FAM221B: variants seen among roughly 807,000 people sequenced by gnomAD.
The protein encoded by FAM221B is family with sequence similarity 221 member B.
Under a neutral mutation model 39.8 loss-of-function variants are expected in FAM221B, and 35 were observed. The ratio of observed to expected loss-of-function variants is 0.88; its 90% CI spans 0.67 to 1.17. The LOEUF is 1.17. FAM221B is among the 50% of genes most tolerant of loss of function. FAM221B has a pLI of 0.00. For synonymous variants in FAM221B, 158 were observed against 178.1 expected (o/e 0.89, Z 0.90); for missense variants, 479 against 503.1 (o/e 0.95, Z 0.46).
intron 1 of FAM221B, 33 bp from the exon 2 acceptor site, chr9:35,826,194 G>C: frequency 1.3e-6 from 2 of 1,514,214 alleles, no homozygotes; most frequent in Non-Finnish European, 1.8e-6. Flanking sequence ...GCTTCATTAG[G>C]TTGGAAATAG....
At position 35,828,292 on chromosome 9, in the gene FAM221B, AAACAACAACAACAAC is replaced by A. The variant is rs372358720; in HGVS notation, c.-1+156_-1+170del. Reference sequence around the variant, plus strand: ...GGGGGACAGAGCGAGACTCTGTCTCAAACAACAACAACAACAACAACAACAACAACAACAACAACA... The same window carrying A: ...GGGGGACAGAGCGAGACTCTGTCTCAAACAACAACAACAACAACAACAACA... On this transcript the variant is annotated intron_variant, in intron 1 of 6. Coordinates refer to ENST00000423537, the MANE Select transcript of FAM221B (RefSeq NM_001012446.4). This position sits in a 1 kb window ranked among gnomAD's most constrained non-coding sequence, Gnocchi z 4.5. Among the ~76,000 whole-genome samples the A allele has an allele frequency of 7.9e-6, 1 of 126,508 alleles. No homozygotes were observed. Among genetic ancestry groups the A allele is most frequent in the East Asian group, 2.6e-4 (1 of 3,828 alleles). 83.0% of individuals were successfully genotyped at this position (126,508 alleles called of 152,430 possible).
At chr9:35,821,746 C>A in intron 3 of FAM221B, 6 of 517,604 alleles carry the variant, frequency 1.2e-5, no homozygotes, top group South Asian at 1.1e-4. Context: ...GCCCAGCATT[C>A]AGATGAAGAA....
intron 3 of FAM221B, chr9:35,821,627 G>C (rs756115048): frequency 7.3e-7 from 1 of 1,367,120 alleles, no homozygotes; most frequent in Non-Finnish European, 9.8e-7. Flanking sequence ...TCCGAATTCT[G>C]TCTGGAGTAG....
Position 35,825,601 on chromosome 9 carries a change from G to T in FAM221B, c.561C>A (p.Asp187Glu). Reference protein sequence around the residue: ...GEVEKGVDASDSTAHTAQPGH... With the variant: ...GEVEKGVDASESTAHTAQPGH... ...CAGGTTGGGCTGTGTGAGCAGTGCT[G>T]TCACTGGCATCTACTCCCTTTTCAA... Residue 187 changes from aspartate to glutamate, a missense_variant, in exon 2 of 7, where the codon GAC becomes GAA. Coordinates refer to ENST00000423537, the MANE Select transcript of FAM221B (RefSeq NM_001012446.4). The surrounding 1 kb of genome is among the most constrained non-coding windows in gnomAD (Gnocchi z 4.2). The T allele has an allele frequency of 6.2e-7, 1 of 1,613,796 alleles. No homozygotes were observed. Among genetic ancestry groups the T allele is most frequent in the Non-Finnish European group, 8.5e-7 (1 of 1,179,800 alleles).
chr9:35,827,851 G>C (rs888816240), intron 1 of FAM221B, among the ~76,000 whole-genome samples: 1 of 152,186 alleles, frequency 6.6e-6, no homozygotes, highest in East Asian at 1.9e-4. Flanking sequence ...GGAATTAGGG[G>C]CAGAGGTAGG....
Position 35,820,134 on chromosome 9 carries a change from C to A in FAM221B, c.743-134G>T, listed in dbSNP as rs80239029. ...CCACCCCCAGGTATCTTTATCTCCA[C>A]CTGGAAGTCCTCACCTCTACCCCTT... On this transcript the variant is annotated intron_variant, in intron 3 of 6. Transcript: ENST00000423537. The A allele has an allele frequency of 2.6e-5, 16 of 607,656 alleles. No individual in the cohort carries two copies. The Admixed American group carries it at 4.7e-4, about 18-fold the overall frequency. The allele number at this position is 607,656 out of a possible 1,614,324, so 37.6% of individuals were successfully genotyped here. A position where few individuals can be genotyped will look rare whatever the true frequency, so the allele number is the denominator to read the frequency against.
chr9:35,819,524 G>C (rs1465423913), intron 4 of FAM221B, 130 bp from the exon 5 acceptor site: 3 of 826,122 alleles, frequency 3.6e-6, no homozygotes, highest in Non-Finnish European at 1.8e-6. Flanking sequence ...ATGGAGTTTT[G>C]CTCTGTCGCC....
At chr9:35,818,530 G>T in intron 6 of FAM221B, 24 bp from the exon 7 acceptor site, 1 of 1,551,198 alleles carries the variant, frequency 6.4e-7, no homozygotes, top group African/African-American at 1.4e-5. Flanking sequence ...GAGCAGAGGT[G>T]AAAGGGTCAG....
chr9:35,818,429 G>C lies in FAM221B; in HGVS notation c.*40C>G. 6.5e-7 allele frequency: 1 copy of C among 1,547,866 alleles called. No individual in the cohort carries two copies. Among genetic ancestry groups the C allele is most frequent in the South Asian group, 1.2e-5 (1 of 83,994 alleles). ...CCTGCCCCATATAGAGCCAAGTCAG[G>C]TTCCAATGACTCCTCTTTTATTGCT... On this transcript the variant is annotated 3_prime_UTR_variant, in exon 7 of 7. Transcript: ENST00000423537.
chr9:35,824,668 T>C (rs1420191428), intron 3 of FAM221B, among the ~76,000 whole-genome samples: 1 of 151,544 alleles, frequency 6.6e-6, no homozygotes, highest in Non-Finnish European at 1.5e-5. Context: ...TGTTTTTTTT[T>C]GTTTTTTGTT....
At position 35,825,201 on chromosome 9, in the gene FAM221B, C is replaced by G. The variant is rs1255365591; in HGVS notation, c.742+29G>C. The G allele has an allele frequency of 6.2e-7, 1 of 1,613,420 alleles. No individual in the cohort carries two copies. On this transcript the variant is annotated intron_variant, in intron 3 of 6. Transcript: ENST00000423537. This position sits in a 1 kb window ranked among gnomAD's most constrained non-coding sequence, Gnocchi z 4.2. ...TTAGAGGATGCCCATGGGCCTGTCA[C>G]AGGCCTCTGAAAGGCCACATGGGCT...
chr9:35,819,780 C>T (rs1829105251), intron 4 of FAM221B, 110 bp downstream of exon 4: 13 of 832,242 alleles, frequency 1.6e-5, no homozygotes, highest in Non-Finnish European at 2.6e-5. Flanking sequence ...GCTGGGATTA[C>T]AGGGGTGAGC....
intron 1 of FAM221B, chr9:35,826,976 T>G (rs967286111): frequency 1.3e-5 from 2 of 152,212 alleles, no homozygotes; most frequent in African/African-American, 4.8e-5. Context: ...CCGGCTAAGT[T>G]TTATATTTTT....
intron 3 of FAM221B, among the ~76,000 whole-genome samples, chr9:35,822,693 C>T (rs1829177338): frequency 6.6e-6 from 1 of 152,150 alleles, no homozygotes; most frequent in African/African-American, 2.4e-5. Flanking sequence ...AGGTGGTAGC[C>T]GCTGCGCTCG....
intron 4 of FAM221B, 64 bp downstream of exon 4, chr9:35,819,826 C>T: frequency 7.5e-7 from 1 of 1,333,188 alleles, no homozygotes; most frequent in Non-Finnish European, 1.1e-6. Flanking sequence ...CTCATACTTC[C>T]CAAGACATGA....
chr9:35,825,544 T>TTTA lies in FAM221B; in HGVS notation c.598+19_598+20insTAA. ...GACAGGTACAATTACAGCTAACTCCTTTCTTCTTCTTCTTCTTGCCTAGTT... is the reference window on the plus strand; with the variant it reads ...GACAGGTACAATTACAGCTAACTCCTTTATTCTTCTTCTTCTTCTTGCCTAGTT... On this transcript the variant is annotated intron_variant, in intron 2 of 6. Transcript: ENST00000423537. This position sits in a 1 kb window ranked among gnomAD's most constrained non-coding sequence, Gnocchi z 4.2. 6.3e-7 allele frequency: 1 copy of TTTA among 1,592,778 alleles called. No homozygotes were observed. Among genetic ancestry groups the TTTA allele is most frequent in the Non-Finnish European group, 8.6e-7 (1 of 1,166,954 alleles).
rs367927621 is a variant in FAM221B, at chr9:35,827,917, G to T, written c.-1+546C>A. Among the ~76,000 whole-genome samples the T allele has an allele frequency of 3.9e-5, 6 of 152,156 alleles. No individual in the cohort carries two copies. The East Asian group carries it at 1.2e-3, about 29-fold the overall frequency. ...TAGAGAGAAAAGGGGCCTAAGAGTG[G>T]AGAACCAGAAGATGGGAGGTGAGGA... On this transcript the variant is annotated intron_variant, in intron 1 of 6. Coordinates refer to ENST00000423537, the MANE Select transcript of FAM221B (RefSeq NM_001012446.4).
intron 3 of FAM221B, among the ~76,000 whole-genome samples, chr9:35,823,175 A>C (rs1249555215): frequency 6.6e-6 from 1 of 152,238 alleles, no homozygotes; most frequent in Non-Finnish European, 1.5e-5. Flanking sequence ...TCCAAGGCTT[A>C]CTATTCCTCA....
rs1463351709 is a variant in FAM221B, at chr9:35,816,443, A to G, written c.*2026T>C. The G allele has an allele frequency of 2.0e-5, 3 of 150,790 alleles. No homozygotes were observed. In the East Asian group the frequency reaches 5.8e-4, roughly 29 times the overall value. The allele number at this position is 150,790 out of a possible 1,614,324, so 9.3% of individuals were successfully genotyped here. Reference sequence around the variant, plus strand: ...GACCTGATACATATAGGTGGTCAGTAATTGTTGAATGAATAACATTTGGTG... The same window carrying G: ...GACCTGATACATATAGGTGGTCAGTGATTGTTGAATGAATAACATTTGGTG... On this transcript the variant is annotated 3_prime_UTR_variant, in exon 7 of 7. Coordinates refer to ENST00000423537, the MANE Select transcript of FAM221B (RefSeq NM_001012446.4).
Sources: allele counts gnomAD v4.1 joint callset (sites outside exome capture counted in the v4.1 genomes callset), GRCh38; gene constraint gnomAD v4.1.1; non-coding constraint Gnocchi (gnomAD v3.1); transcripts MANE v1.5; gene names NCBI Gene and HGNC (gene_info 2026-07-23, HGNC 2026-07-21).